The following HECTD4 variants were observed in gnomAD, a reference collection of about 807,000 sequenced individuals.
The protein encoded by HECTD4 is probable E3 ubiquitin-protein ligase HECTD4.
A neutral mutation model predicts 471.5 loss-of-function variants in HECTD4; 114 were observed. That is an observed-to-expected ratio of 0.24 (90% confidence interval 0.21 to 0.28). HECTD4 has a LOEUF of 0.28. HECTD4 is among the 10% of genes least tolerant of loss of function. The pLI, the probability that HECTD4 is intolerant of heterozygous loss-of-function variation, is 1.00. For synonymous variants in HECTD4, 2,012 were observed against 2,256.0 expected (o/e 0.89, Z 3.07); for missense variants, 3,866 against 5,651.5 (o/e 0.68, Z 10.13).
Position 112,188,469 on chromosome 12 carries a change from T to A in HECTD4, c.9472+2317A>T, listed in dbSNP as rs559391584. On this transcript the variant is annotated intron_variant, in intron 60 of 75. Coordinates refer to ENST00000682272, the MANE Select transcript of HECTD4 (RefSeq NM_001388303.1). This position sits in a 1 kb window ranked among gnomAD's most constrained non-coding sequence, Gnocchi z 4.2. The stretch of plus-strand genomic sequence containing the variant: ...ACCAGAGGCATATCTTACATTCACA[T>A]AGTCATGTACCCTGGATCTGAGTGG... 6.6e-6 allele frequency among the ~76,000 whole-genome samples: 1 copy of A among 152,256 alleles called. No individual in the cohort carries two copies. The highest frequency in any genetic ancestry group is 1.9e-4 in the East Asian group (1 of 5,182).
chr12:112,277,015 A>G (rs2034541211), intron 9 of HECTD4, among the ~76,000 whole-genome samples: 1 of 152,192 alleles, frequency 6.6e-6, no homozygotes, highest in African/African-American at 2.4e-5. Context: ...CCACTTTGGG[A>G]AACAGTTTAG....
chr12:112,313,865 G>A (rs571767605), intron 3 of HECTD4, among the ~76,000 whole-genome samples: 1 of 152,188 alleles, frequency 6.6e-6, no homozygotes, highest in South Asian at 2.1e-4. Flanking sequence ...ACTATTTTAT[G>A]TGTATTTTTG....
Position 112,185,077 on chromosome 12 carries a change from A to G in HECTD4, c.9889T>C (p.Ser3297Pro). 1.3e-6 allele frequency: 2 copies of G among 1,582,036 alleles called. No homozygotes were observed. Among genetic ancestry groups the G allele is most frequent in the Non-Finnish European group, 1.7e-6 (2 of 1,163,872 alleles). Residue 3297 changes from serine (S) to proline (P), a missense_variant, in exon 61 of 76, where the codon TCC (serine) becomes CCC (proline). Around this residue, in one of 16 missense-constraint regions of HECTD4, gnomAD observed 38 missense variants for 72.1 expected, o/e 0.53. Transcript: ENST00000682272. Reference sequence around the variant, plus strand: ...CTCTGTGGGGTCTGTCCTGGGGAGGACGAGGAGGAGGAGGACGAGTCACTG... The same window carrying G: ...CTCTGTGGGGTCTGTCCTGGGGAGGGCGAGGAGGAGGAGGACGAGTCACTG... ...NLSDSSSSSS[S>P]SPGQTPQSPS...
intron 20 of HECTD4, 72 bp from the exon 21 acceptor site, chr12:112,256,590 C>T: frequency 5.4e-6 from 6 of 1,116,390 alleles, no homozygotes; most frequent in Non-Finnish European, 7.3e-6. Flanking sequence ...CATTAAATTG[C>T]TCTTTAATTT....
chr12:112,190,532 T>A (rs1353726453), intron 60 of HECTD4, among the ~76,000 whole-genome samples: 1 of 152,236 alleles, frequency 6.6e-6, no homozygotes, highest in Admixed American at 6.5e-5. Context: ...TGGATAAAGT[T>A]AATCTTATTT....
At chr12:112,365,208 C>T (rs1277591305) in intron 1 of HECTD4, among the ~76,000 whole-genome samples, 1 of 152,086 alleles carries the variant, frequency 6.6e-6, no homozygotes, top group Non-Finnish European at 1.5e-5. Context: ...ATATATTTTA[C>T]TTAACCCATT....
intron 55 of HECTD4, 146 bp from the exon 56 acceptor site, chr12:112,195,212 A>G: frequency 1.6e-6 from 1 of 633,744 alleles, no homozygotes; most frequent in Non-Finnish European, 2.6e-6. Flanking sequence ...GAGTCACTTG[A>G]GTTTTAAACA....
In HECTD4 at chr12:112,173,690, G is replaced by A. The variant is rs1043804024; in HGVS notation, c.11595-829C>T. The stretch of plus-strand genomic sequence containing the variant: ...ATTACAGGCGTGAGCCAATGCGCCC[G>A]GCCAATTTTTAATTTTTTTTTGTAG... On this transcript the variant is annotated intron_variant, in intron 66 of 75. Coordinates refer to ENST00000682272, the MANE Select transcript of HECTD4 (RefSeq NM_001388303.1). This position sits in a 1 kb window ranked among gnomAD's most constrained non-coding sequence, Gnocchi z 4.3. 6.6e-6 allele frequency among the ~76,000 whole-genome samples: 1 copy of A among 151,572 alleles called. No individual in the cohort carries two copies. Among genetic ancestry groups the A allele is most frequent in the Non-Finnish European group, 1.5e-5 (1 of 67,956 alleles).
intron 7 of HECTD4, among the ~76,000 whole-genome samples, chr12:112,303,374 C>T (rs2035204940): frequency 6.6e-6 from 1 of 152,158 alleles, no homozygotes; most frequent in South Asian, 2.1e-4. Flanking sequence ...GTATACTTGG[C>T]TTTCTCCACA....
chr12:112,190,742 C>A, intron 60 of HECTD4, 44 bp downstream of exon 60: 1 of 1,512,668 alleles, frequency 6.6e-7, no homozygotes, highest in African/African-American at 1.4e-5. Context: ...CATGCCAGCT[C>A]CACCCCCACC....
chr12:112,163,602 G>C lies in HECTD4; in HGVS notation c.12837C>G (p.Ser4279Arg). ...IIPLQLLTML[S>R]PLEMELRTCG... is the part of the protein sequence containing the mutation. ...AGGTGCGCAGCTCCATCTCCAGTGG[G>C]CTGAGCATGGTCAGCAGCTGCAGGG... Residue 4279 changes from serine to arginine, a missense_variant, in exon 74 of 76, where the codon AGC becomes AGG. Transcript: ENST00000682272. This position sits in a 1 kb window ranked among gnomAD's most constrained non-coding sequence, Gnocchi z 8.2. 1 of 1,534,184 alleles carries C rather than the reference G, an allele frequency of 6.5e-7. No homozygotes were observed. The highest frequency in any genetic ancestry group is 1.2e-5 in the South Asian group (1 of 81,880).
In HECTD4 at chr12:112,218,438, C is replaced by T. The variant is rs142576403; in HGVS notation, c.7074+948G>A. Among the ~76,000 whole-genome samples, 770 of 152,280 alleles carry T rather than the reference C, an allele frequency of 5.1e-3. 4 individuals are homozygous for T. Among genetic ancestry groups the T allele is most frequent in the African/African-American group, 0.017 (726 of 41,556 alleles). On this transcript the variant is annotated intron_variant, in intron 45 of 75. Transcript: ENST00000682272. ...CTTTGCCCCCACAGCTCCTGGCAATCACTAATCTATTTTCTATGTCTATGG... is the reference window on the plus strand; with the variant it reads ...CTTTGCCCCCACAGCTCCTGGCAATTACTAATCTATTTTCTATGTCTATGG...
In HECTD4 at chr12:112,235,190, C is replaced by T. The variant is rs1402681673; in HGVS notation, c.5802G>A (p.Leu1934=). ...CTTCTCCAGGATCTTTATCTCCTTTCAAGGAATTCTTGGGACTGGTTTTTG... is the reference window on the plus strand; with the variant it reads ...CTTCTCCAGGATCTTTATCTCCTTTTAAGGAATTCTTGGGACTGGTTTTTG... ...TLTKTSPKNS[L]KGDKDPGEES... is the part of the protein sequence containing the mutation. Residue 1934 remains leucine (L), a synonymous_variant, in exon 37 of 76, where the codon TTG becomes TTA. Coordinates refer to ENST00000682272, the MANE Select transcript of HECTD4 (RefSeq NM_001388303.1). The surrounding 1 kb of genome is among the most constrained non-coding windows in gnomAD (Gnocchi z 5.0). 6.2e-7 allele frequency: 1 copy of T among 1,613,994 alleles called. No individual in the cohort carries two copies.
chr12:112,283,008 GCAAAGGAA>G (rs750028202), intron 8 of HECTD4, 94 bp downstream of exon 8: 7 of 827,486 alleles, frequency 8.5e-6, no homozygotes, highest in Non-Finnish European at 1.3e-5. Flanking sequence ...AGTCAACTAT[GCAAAGGAA>G]AGGGCTTTGT....
intron 1 of HECTD4, among the ~76,000 whole-genome samples, chr12:112,341,788 T>A (rs1421853539): frequency 6.6e-6 from 1 of 152,144 alleles, no homozygotes; most frequent in East Asian, 1.9e-4. Context: ...AAAAAGAAGA[T>A]AAAACAAAGC....
At chr12:112,342,470 A>G (rs1039118721) in intron 1 of HECTD4, among the ~76,000 whole-genome samples, 2 of 152,162 alleles carry the variant, frequency 1.3e-5, no homozygotes, top group Non-Finnish European at 2.9e-5. Flanking sequence ...AAAAACAAAC[A>G]AACAAACAAA....
intron 34 of HECTD4, among the ~76,000 whole-genome samples, chr12:112,238,633 G>A (rs926811069): frequency 1.3e-5 from 2 of 152,034 alleles, no homozygotes; most frequent in South Asian, 2.1e-4. Flanking sequence ...GGCTGTGGTC[G>A]GGGGATCTCT....
rs1226774414 is a variant in HECTD4, at chr12:112,167,353, A to G, written c.12498T>C (p.Asp4166=). 1.2e-6 allele frequency: 2 copies of G among 1,613,586 alleles called. No homozygotes were observed. Among genetic ancestry groups the G allele is most frequent in the African/African-American group, 1.3e-5 (1 of 75,072 alleles). The change falls in exon 72 of 76, where the codon GAT becomes GAC. Residue 4166 remains aspartate (D), a synonymous_variant. Coordinates refer to ENST00000682272, the MANE Select transcript of HECTD4 (RefSeq NM_001388303.1). ...LDPEQDLQEA[D]ILTYNYVKKF... ...TCTTGACGTAATTGTAGGTGAGGAT[A>G]TCCGCTTCCTGCAGGTCTTGCTCAG...
chr12:112,241,025 T>C (rs987152332), intron 32 of HECTD4, among the ~76,000 whole-genome samples: 1 of 152,162 alleles, frequency 6.6e-6, no homozygotes, highest in Non-Finnish European at 1.5e-5. Context: ...AATAGGGAAT[T>C]TGTTAAAGTT....
Sources: allele counts gnomAD v4.1 joint callset (sites outside exome capture counted in the v4.1 genomes callset), GRCh38; gene constraint gnomAD v4.1.1; regional missense constraint gnomAD v4.1.1; non-coding constraint Gnocchi (gnomAD v3.1); transcripts MANE v1.5; gene names NCBI Gene and HGNC (gene_info 2026-07-23, HGNC 2026-07-21).